FRMD6: variants seen among roughly 807,000 people sequenced by gnomAD.
FRMD6 encodes the protein FERM domain containing 6.
A neutral mutation model predicts 73.2 loss-of-function variants in FRMD6; 37 were observed. The observed-to-expected ratio is 0.51, with a 90% CI of 0.39 to 0.66. The LOEUF is 0.66. Ranked by LOEUF, FRMD6 falls within the 30% of genes least tolerant of loss-of-function variation. FRMD6 has a pLI of 0.00. For synonymous variants in FRMD6, 273 were observed against 282.2 expected, an observed-to-expected ratio of 0.97 and a Z score of 0.33; for missense variants, 714 against 780.5, an observed-to-expected ratio of 0.91 and a Z score of 1.02.
intron 2 of FRMD6, among the ~76,000 whole-genome samples, chr14:51,614,495 G>T (rs866292006): frequency 2.0e-5 from 3 of 152,122 alleles, no homozygotes; most frequent in African/African-American, 7.2e-5. Context: ...CAGAAACAAA[G>T]AGTTATATGC....
At chr14:51,583,699 G>T (rs1888861795) in intron 2 of FRMD6, among the ~76,000 whole-genome samples, 2 of 152,166 alleles carry the variant, frequency 1.3e-5, no homozygotes, top group African/African-American at 2.4e-5. Flanking sequence ...AGGTGGTCTG[G>T]CTCCAGGGCC....
chr14:51,684,968 A>G (rs2140326689), intron 1 of FRMD6, among the ~76,000 whole-genome samples: 1 of 152,284 alleles, frequency 6.6e-6, no homozygotes, highest in Admixed American at 6.5e-5. Flanking sequence ...GATTATCCAC[A>G]CAAGGAAAAA....
chr14:51,679,116 A>G (rs1002881257), intron 1 of FRMD6, among the ~76,000 whole-genome samples: 6 of 152,114 alleles, frequency 3.9e-5, no homozygotes, highest in African/African-American at 7.2e-5. Context: ...CAGATATGCA[A>G]TTTAAGAGGT....
At chr14:51,626,259 A>G (rs1210087283) in intron 2 of FRMD6, among the ~76,000 whole-genome samples, 1 of 152,200 alleles carries the variant, frequency 6.6e-6, no homozygotes, top group Non-Finnish European at 1.5e-5. Context: ...ATCCAGAAGA[A>G]CAAGGTCCAT....
chr14:51,495,403 C>G (rs1883235572), intron 1 of FRMD6, among the ~76,000 whole-genome samples: 1 of 152,162 alleles, frequency 6.6e-6, no homozygotes, highest in South Asian at 2.1e-4. Flanking sequence ...TAGGAGGACA[C>G]AAAAGTTCAG....
Position 51,532,230 on chromosome 14 carries a change from G to A in FRMD6, c.-209-38118G>A, listed in dbSNP as rs938889071. Among the ~76,000 whole-genome samples the A allele has an allele frequency of 7.9e-5, 12 of 152,050 alleles. No homozygotes were observed. The South Asian group carries it at 1.7e-3, about 21-fold the overall frequency. ...AAAAATACACAAAAATTAGCCTGGC[G>A]TGGTGGCGGGCACCTGTAGTCCCAG... is the stretch of plus-strand genomic sequence containing the variant. On this transcript the variant is annotated intron_variant, in intron 1 of 14. Transcript: ENST00000356218.
the FRMD6 span, among the ~76,000 whole-genome samples, chr14:51,438,575 T>G: frequency 6.6e-6 from 1 of 152,214 alleles, no homozygotes; most frequent in Non-Finnish European, 1.5e-5. Context: ...CAGGAAAACC[T>G]CAGGGCTATG....
At chr14:51,407,709 A>T in the FRMD6 span, among the ~76,000 whole-genome samples, 5 of 151,942 alleles carry the variant, frequency 3.3e-5, no homozygotes, top group Non-Finnish European at 1.5e-5. Flanking sequence ...TTTCATTTTG[A>T]TTTGTTCTTT....
At chr14:51,617,050 T>TA (rs1890744129) in intron 2 of FRMD6, among the ~76,000 whole-genome samples, 1 of 152,236 alleles carries the variant, frequency 6.6e-6, no homozygotes, top group Non-Finnish European at 1.5e-5. Context: ...CATACAAAGC[T>TA]TCTATTAAAG....
chr14:51,501,942 T>C (rs1307092477), intron 1 of FRMD6, among the ~76,000 whole-genome samples: 1 of 152,212 alleles, frequency 6.6e-6, no homozygotes, highest in Non-Finnish European at 1.5e-5. Flanking sequence ...TGGTATTTCA[T>C]TGTGGTTCTG....
At position 51,590,062 on chromosome 14, in the gene FRMD6, CAA is replaced by C. The variant is rs529602796; in HGVS notation, c.-147+19674_-147+19675del. On this transcript the variant is annotated intron_variant, in intron 2 of 14. Coordinates refer to the FRMD6 transcript ENST00000356218. Reference sequence around the variant, plus strand: ...CAGCCTGGGCAACAAGAGCGAAACTCAAAAAAAAAAAAAAAAAAAAAAATCAG... The same window carrying C: ...CAGCCTGGGCAACAAGAGCGAAACTCAAAAAAAAAAAAAAAAAAAAATCAG... Among the ~76,000 whole-genome samples, 129 of 82,566 alleles carry C rather than the reference CAA, an allele frequency of 1.6e-3. 1 individual carries two copies. Among genetic ancestry groups the C allele is most frequent in the African/African-American group, 3.9e-3 (111 of 28,810 alleles). 54.2% of individuals were successfully genotyped at this position (82,566 alleles called of 152,430 possible).
At chr14:51,620,594 A>G (rs540408451) in intron 2 of FRMD6, among the ~76,000 whole-genome samples, 2 of 152,306 alleles carry the variant, frequency 1.3e-5, no homozygotes, top group South Asian at 4.1e-4. Context: ...CAGAGCTAGA[A>G]GCCAAAAACC....
chr14:51,435,707 G>A, the FRMD6 span, among the ~76,000 whole-genome samples: 350 of 152,298 alleles, frequency 2.3e-3, no homozygotes, highest in African/African-American at 6.2e-3. Flanking sequence ...AGCTAGATAA[G>A]AGGAGTAAGT....
At chr14:51,624,710 C>T (rs575273030) in intron 2 of FRMD6, among the ~76,000 whole-genome samples, 8 of 152,296 alleles carry the variant, frequency 5.3e-5, no homozygotes, top group African/African-American at 1.9e-4. Context: ...GCCCCTGAAG[C>T]TCAGAGGGAT....
intron 2 of FRMD6, among the ~76,000 whole-genome samples, chr14:51,606,730 A>T (rs1300578598): frequency 6.6e-6 from 1 of 152,150 alleles, no homozygotes; most frequent in Non-Finnish European, 1.5e-5. Flanking sequence ...ATGCAAATGG[A>T]GGCTGGGAAG....
At position 51,715,514 on chromosome 14, in the gene FRMD6, G is replaced by A. The variant is rs1363370327; in HGVS notation, c.1024+15G>A. 4 of 1,578,074 alleles carry A rather than the reference G, an allele frequency of 2.5e-6. No homozygotes were observed. Among genetic ancestry groups the A allele is most frequent in the Non-Finnish European group, 2.6e-6 (3 of 1,159,690 alleles). On this transcript the variant is annotated intron_variant, in intron 10 of 13. Coordinates refer to ENST00000344768, the MANE Select transcript of FRMD6 (RefSeq NM_001267046.2). Reference sequence around the variant, plus strand: ...GGAAAACGAAGGTATTGCAGGGTCTGGGGTGTGGAAGCAAATTGTACCTTT... The same window carrying A: ...GGAAAACGAAGGTATTGCAGGGTCTAGGGTGTGGAAGCAAATTGTACCTTT...
the FRMD6 span, among the ~76,000 whole-genome samples, chr14:51,433,620 T>A: frequency 6.6e-6 from 1 of 152,134 alleles, no homozygotes; most frequent in Non-Finnish European, 1.5e-5. Context: ...CGGGGAATAA[T>A]ATACAGAAAA....
upstream of FRMD6, among the ~76,000 whole-genome samples, chr14:51,488,749 TG>T (rs1419807575): frequency 1.3e-5 from 2 of 152,238 alleles, no homozygotes; most frequent in Non-Finnish European, 2.9e-5. Flanking sequence ...CTTTCCTCTT[TG>T]GGGAAACAAG....
chr14:51,684,002 G>C (rs1894984753), intron 1 of FRMD6, among the ~76,000 whole-genome samples: 1 of 152,152 alleles, frequency 6.6e-6, no homozygotes, highest in African/African-American at 2.4e-5. Flanking sequence ...TTTGGCTCCA[G>C]ATGGTTGATA....
Sources: gnomAD v4.1 joint callset for allele counts (sites outside exome capture counted in the v4.1 genomes callset) on GRCh38, gnomAD v4.1.1 for gene constraint, MANE v1.5 for transcripts, NCBI Gene and HGNC (gene_info 2026-07-23, HGNC 2026-07-21) for gene names.